PDGFD: variants seen among roughly 807,000 people sequenced by gnomAD.
PDGFD encodes the protein platelet derived growth factor D.
PDGFD carries 30 observed loss-of-function variants against 44.7 expected under a neutral mutation model. The ratio of observed to expected loss-of-function variants is 0.67; its 90% CI spans 0.50 to 0.91. The LOEUF (loss-of-function observed/expected upper bound fraction) is 0.91. Among genes scored for constraint, PDGFD ranks in the 40% least tolerant of loss-of-function variants. PDGFD has a pLI of 0.00. For synonymous variants in PDGFD, 173 were observed against 168.4 expected, an observed-to-expected ratio of 1.03 and a Z score of -0.21; for missense variants, 445 against 457.8, an observed-to-expected ratio of 0.97 and a Z score of 0.25.
chr11:104,016,353 G>A (rs188468292), intron 1 of PDGFD, among the ~76,000 whole-genome samples: 21 of 151,342 alleles, frequency 1.4e-4, no homozygotes, highest in Admixed American at 1.3e-3. Context: ...CAAGGCCAAA[G>A]AAAAGGCCTT....
At chr11:104,012,702 T>C (rs375173603) in intron 1 of PDGFD, among the ~76,000 whole-genome samples, 19 of 152,228 alleles carry the variant, frequency 1.2e-4, no homozygotes, top group African/African-American at 3.4e-4. Context: ...TTAGTGGTTT[T>C]AAAGTTTATT....
intron 3 of PDGFD, among the ~76,000 whole-genome samples, chr11:103,953,689 G>A (rs1433811812): frequency 2.6e-5 from 4 of 152,114 alleles, no homozygotes; most frequent in Admixed American, 6.5e-5. Flanking sequence ...ATCTCATAAA[G>A]AGGATTCTTT....
chr11:104,154,876 AAAAGTCT>A (rs1862286479), intron 1 of PDGFD, among the ~76,000 whole-genome samples: 1 of 152,146 alleles, frequency 6.6e-6, no homozygotes, highest in South Asian at 2.1e-4. Flanking sequence ...ATATGGCCTG[AAAAGTCT>A]ACAATATTTA....
chr11:104,085,978 G>A (rs887493097), intron 1 of PDGFD, among the ~76,000 whole-genome samples: 1 of 152,150 alleles, frequency 6.6e-6, no homozygotes, highest in African/African-American at 2.4e-5. Context: ...CGATAAAGAG[G>A]TTGGATTTTA....
rs539314017 is a variant in PDGFD, at chr11:104,016,356, A to T, written c.125-16101T>A. Among the ~76,000 whole-genome samples the T allele has an allele frequency of 3.3e-3, 502 of 152,344 alleles. 2 individuals are homozygous for T. The highest frequency in any genetic ancestry group is 0.012 in the African/African-American group (479 of 41,576). On this transcript the variant is annotated intron_variant, in intron 1 of 6. Coordinates refer to ENST00000393158, the MANE Select transcript of PDGFD (RefSeq NM_025208.5). ...CAGGGTTGGATTCAAGGCCAAAGAA[A>T]AGGCCTTTCTTGACATATTTCTAAA...
intron 3 of PDGFD, among the ~76,000 whole-genome samples, chr11:103,956,681 G>A (rs1858856190): frequency 6.6e-6 from 1 of 152,034 alleles, no homozygotes; most frequent in Non-Finnish European, 1.5e-5. Flanking sequence ...CCCACCAACA[G>A]TGTAAAAGTA....
intron 1 of PDGFD, among the ~76,000 whole-genome samples, chr11:104,114,810 A>G (rs1437164708): frequency 1.3e-5 from 2 of 150,890 alleles, no homozygotes; most frequent in African/African-American, 2.4e-5. Flanking sequence ...GACCCCGTAC[A>G]TATTTCATTA....
At chr11:104,073,166 T>A (rs1171578207) in intron 1 of PDGFD, among the ~76,000 whole-genome samples, 1 of 152,066 alleles carries the variant, frequency 6.6e-6, no homozygotes, top group South Asian at 2.1e-4. Context: ...TAAAAAAAGA[T>A]TCAACTATAT....
chr11:104,111,262 C>CTTTTT (rs373944945), intron 1 of PDGFD, among the ~76,000 whole-genome samples: 6 of 119,626 alleles, frequency 5.0e-5, no homozygotes, highest in Admixed American at 1.8e-4. Context: ...ATTATTAATT[C>CTTTTT]TTTTTTTTTT....
chr11:104,018,412 A>C (rs1859894181), intron 1 of PDGFD, among the ~76,000 whole-genome samples: 1 of 152,176 alleles, frequency 6.6e-6, no homozygotes, highest in African/African-American at 2.4e-5. Context: ...TCACTTCGTT[A>C]GATTTATGTC....
Position 104,000,245 on chromosome 11 carries a change from G to T in PDGFD, c.135C>A (p.His45Gln). The change falls in exon 2 of 7, where the codon CAC (histidine) becomes CAA (glutamine). Residue 45 changes from histidine to glutamine, a missense_variant. Transcript: ENST00000393158. ...CATCTCTTCGGTACAAGTCTGTGAG[G>T]TGATTGCTCTCTGTTAGTAGTCACA... is the stretch of plus-strand genomic sequence containing the variant. ...NANLRRDESN[H>Q]LTDLYRRDET... is the part of the protein sequence containing the mutation. The T allele has an allele frequency of 6.2e-7, 1 of 1,613,796 alleles. No homozygotes were observed. Among genetic ancestry groups the T allele is most frequent in the Admixed American group, 1.7e-5 (1 of 59,996 alleles).
chr11:103,983,477 C>G (rs1000211034), intron 3 of PDGFD, among the ~76,000 whole-genome samples: 1 of 150,056 alleles, frequency 6.7e-6, no homozygotes, highest in Non-Finnish European at 1.5e-5. Context: ...CTGAAGACAA[C>G]TTAGGCAATA....
intron 6 of PDGFD, among the ~76,000 whole-genome samples, chr11:103,922,094 T>C (rs1336353392): frequency 6.6e-6 from 1 of 152,030 alleles, no homozygotes; most frequent in African/African-American, 2.4e-5. Flanking sequence ...TATCTTTATC[T>C]CTTTGATGCT....
At chr11:104,112,395 A>C (rs1861572069) in intron 1 of PDGFD, among the ~76,000 whole-genome samples, 1 of 151,542 alleles carries the variant, frequency 6.6e-6, no homozygotes, top group African/African-American at 2.4e-5. Context: ...TTTTCTTGTG[A>C]GTTTAAAAGA....
chr11:104,035,714 T>G (rs964633273), intron 1 of PDGFD, among the ~76,000 whole-genome samples: 4 of 152,134 alleles, frequency 2.6e-5, no homozygotes, highest in Non-Finnish European at 5.9e-5. Flanking sequence ...GTACAATTTT[T>G]TTATTGCACA....
chr11:104,002,129 C>T (rs1378678114), intron 1 of PDGFD, among the ~76,000 whole-genome samples: 5 of 152,094 alleles, frequency 3.3e-5, no homozygotes, highest in Admixed American at 6.5e-5. Context: ...TCCTAGGAGA[C>T]GAAAATCATT....
chr11:104,073,152 A>G (rs142573605), intron 1 of PDGFD, among the ~76,000 whole-genome samples: 6 of 152,172 alleles, frequency 3.9e-5, no homozygotes, highest in South Asian at 2.1e-4. Context: ...CTCCAAAATT[A>G]GCATAAAAAA....
At chr11:104,005,972 T>C (rs1859696236) in intron 1 of PDGFD, among the ~76,000 whole-genome samples, 1 of 152,226 alleles carries the variant, frequency 6.6e-6, no homozygotes, top group Non-Finnish European at 1.5e-5. Flanking sequence ...GAGGTACGCA[T>C]TTGACTTAAA....
intron 1 of PDGFD, among the ~76,000 whole-genome samples, chr11:104,020,162 A>T (rs1859928332): frequency 6.6e-6 from 1 of 152,162 alleles, no homozygotes; most frequent in Non-Finnish European, 1.5e-5. Context: ...GAGTAGAAGC[A>T]ACATATGTAA....
Sources: allele counts gnomAD v4.1 joint callset (sites outside exome capture counted in the v4.1 genomes callset), GRCh38; gene constraint gnomAD v4.1.1; transcripts MANE v1.5; gene names NCBI Gene and HGNC (gene_info 2026-07-23, HGNC 2026-07-21).